The following TP53I13 variants were observed in gnomAD, a reference collection of about 807,000 sequenced individuals.
TP53I13 encodes the protein tumor protein p53 inducible protein 13, also known as tumor protein p53-inducible protein 13.
Under a neutral mutation model 39.1 loss-of-function variants are expected in TP53I13, and 27 were observed. The ratio of observed to expected loss-of-function variants is 0.69; its 90% CI spans 0.51 to 0.95. The LOEUF (loss-of-function observed/expected upper bound fraction) is 0.95, where lower values mean the gene tolerates loss of function less well. TP53I13 is among the 40% of genes least tolerant of loss of function. The pLI is 0.00. For missense variants in TP53I13, 544 were observed against 520.4 expected, an observed-to-expected ratio of 1.05 and a Z score of -0.44; for synonymous variants, 230 against 224.6, an observed-to-expected ratio of 1.02 and a Z score of -0.22.
chr17:29,569,006 T>G lies in TP53I13; in HGVS notation c.73-12T>G, dbSNP rs1256492811. On this transcript the variant is annotated splice_polypyrimidine_tract_variant and intron_variant, in intron 1 of 6. Transcript: ENST00000301057. ...GCGTCCAGCGCCCCAACTCTTCGCT[T>G]TGGACCCACAGGTGATGGCTGGACC... is the stretch of plus-strand genomic sequence containing the variant. The G allele has an allele frequency of 6.2e-7, 1 of 1,608,292 alleles. No individual in the cohort carries two copies.
chr17:29,570,766 T>C (rs1270520481), intron 3 of TP53I13: 1 of 152,238 alleles, frequency 6.6e-6, no homozygotes, highest in Non-Finnish European at 1.5e-5. Flanking sequence ...CACAAATGAG[T>C]GCCAGCCTCG....
Position 29,572,417 on chromosome 17 carries a change from C to T in TP53I13, c.789C>T (p.Ala263=). 1.9e-6 allele frequency: 3 copies of T among 1,590,244 alleles called. No homozygotes were observed. The highest frequency in any genetic ancestry group is 2.6e-6 in the Non-Finnish European group (3 of 1,164,758). Residue 263 remains alanine, a synonymous_variant, in exon 6 of 7, where the codon GCC becomes GCT. Transcript: ENST00000301057. ...TGCCGGGGGCGCCTGGAGGCAATGC[C>T]AGCTCCAGGACAGAGGCTCAGGTGC... ...SLLPGAPGGN[A]SSRTEAQVPN... is the part of the protein sequence containing the mutation.
At chr17:29,576,646 C>G, downstream of TP53I13, 1 of 1,613,974 alleles carries the variant, frequency 6.2e-7, no homozygotes, top group Non-Finnish European at 8.5e-7. Context: ...CGTCACAGCC[C>G]CGTCAGACAA....
At chr17:29,577,673 T>C (rs1053442825), downstream of TP53I13, 1 of 1,612,006 alleles carries the variant, frequency 6.2e-7, no homozygotes, top group Non-Finnish European at 8.5e-7. Context: ...GTATTCCGGG[T>C]TAACAGGCAG....
downstream of TP53I13, chr17:29,576,494 C>T (rs750430432): frequency 1.2e-6 from 2 of 1,613,186 alleles, no homozygotes; most frequent in East Asian, 2.2e-5. Flanking sequence ...TCCTGGGGCT[C>T]CCCCTCCCAC....
chr17:29,569,459 TA>T, intron 3 of TP53I13, 100 bp downstream of exon 3: 1 of 1,180,204 alleles, frequency 8.5e-7, no homozygotes, highest in Non-Finnish European at 1.2e-6. Flanking sequence ...CCCCATTCCT[TA>T]CCACTTCCCT....
chr17:29,572,425 G>C lies in TP53I13; in HGVS notation c.797G>C (p.Arg266Thr), dbSNP rs750819658. 2 of 1,586,342 alleles carry C rather than the reference G, an allele frequency of 1.3e-6. No individual in the cohort carries two copies. The highest frequency in any genetic ancestry group is 1.7e-6 in the Non-Finnish European group (2 of 1,162,954). The change falls in exon 6 of 7, where the codon AGG becomes ACG. Residue 266 changes from arginine to threonine, a missense_variant. Transcript: ENST00000301057. ...PGAPGGNASS[R>T]TEAQVPNGQG... ...GCGCCTGGAGGCAATGCCAGCTCCA[G>C]GACAGAGGCTCAGGTGCCCAACGGG... is the stretch of plus-strand genomic sequence containing the variant.
At chr17:29,578,484 C>A in the TP53I13 span, 2 of 969,984 alleles carry the variant, frequency 2.1e-6, no homozygotes, top group South Asian at 1.3e-5. Flanking sequence ...TTGTGCTGCC[C>A]AGCCCCTACA....
At chr17:29,577,828 G>T, downstream of TP53I13, 1 of 823,096 alleles carries the variant, frequency 1.2e-6, no homozygotes, top group Non-Finnish European at 2.1e-6. Context: ...AGCCTTCCTA[G>T]CTGCCCCCAC....
At chr17:29,566,500 AGGCCCCCGGCGCTGGTGATCCGGC>A (rs779803580), upstream of TP53I13, 1 of 1,611,514 alleles carries the variant, frequency 6.2e-7, no homozygotes, top group East Asian at 2.2e-5. Flanking sequence ...CACCGCAGGA[AGGCCCCCGGCGCTGGTGATCCGGC>A]GGCCCCGAAC....
chr17:29,571,798 G>T, intron 4 of TP53I13, 59 bp from the exon 5 acceptor site: 1 of 1,613,126 alleles, frequency 6.2e-7, no homozygotes. Context: ...AAAATTCAAG[G>T]GTTTCCTCTT....
At chr17:29,566,731 A>G (rs1011829753), upstream of TP53I13, 1 of 1,565,796 alleles carries the variant, frequency 6.4e-7, no homozygotes, top group Admixed American at 1.8e-5. Context: ...GCACTGGGCC[A>G]GGGCCGACGG....
At chr17:29,576,730 C>A, downstream of TP53I13, 1 of 1,605,550 alleles carries the variant, frequency 6.2e-7, no homozygotes. Flanking sequence ...CCAACACCCG[C>A]AGGGGGCAGT....
downstream of TP53I13, chr17:29,573,861 T>C (rs1429681545): frequency 1.3e-5 from 2 of 152,590 alleles, no homozygotes; most frequent in East Asian, 3.9e-4. Flanking sequence ...GGTTTTTGAT[T>C]TAAGTTCATA....
chr17:29,572,682 C>G lies in TP53I13; in HGVS notation c.1054C>G (p.Gln352Glu), dbSNP rs779969529. 65 of 1,563,496 alleles carry G rather than the reference C, an allele frequency of 4.2e-5. No homozygotes were observed. Among genetic ancestry groups the G allele is most frequent in the African/African-American group, 1.4e-5 (1 of 73,736 alleles). ...SIYWGPTADS[Q>E]DTVAAVLKRR... ...CTACTGGGGGCCCACAGCGGACAGC[C>G]AGGACACAGTGGCTGGTGAGGAGTT... is the stretch of plus-strand genomic sequence containing the variant. Residue 352 changes from glutamine to glutamate, a missense_variant, in exon 6 of 7, where the codon CAG (glutamine) becomes GAG (glutamate). Physicochemically the swap from Gln to Glu is conservative, Grantham distance 29. Coordinates refer to ENST00000301057, the MANE Select transcript of TP53I13 (RefSeq NM_138349.4).
the TP53I13 span, chr17:29,582,126 G>A: frequency 3.2e-6 from 5 of 1,581,472 alleles, no homozygotes; most frequent in Admixed American, 1.8e-5. Flanking sequence ...TTGCCTGTCC[G>A]CACGCTCGAG....
Position 29,569,059 on chromosome 17 carries a change from C to T in TP53I13, c.114C>T (p.Pro38=), listed in dbSNP as rs1457244005. ...GPAEEAGAHC[P]ESLWPLPPQV... ...CGGAGGAGGCGGGAGCCCATTGTCC[C>T]GAGAGCCTGTGGCCTCTGCCTCCGC... Residue 38 remains proline (P), a synonymous_variant, in exon 2 of 7, where the codon CCC becomes CCT. Transcript: ENST00000301057. 2 of 1,604,292 alleles carry T rather than the reference C, an allele frequency of 1.2e-6. No individual in the cohort carries two copies. Among genetic ancestry groups the T allele is most frequent in the South Asian group, 1.1e-5 (1 of 89,642 alleles).
the TP53I13 span, chr17:29,579,074 C>G: frequency 1.7e-6 from 2 of 1,205,900 alleles, no homozygotes; most frequent in Admixed American, 3.4e-5. Flanking sequence ...CTTTTCACAT[C>G]AGGCCCAGAC....
At chr17:29,581,189 T>G in the TP53I13 span, 1 of 677,286 alleles carries the variant, frequency 1.5e-6, no homozygotes, top group Non-Finnish European at 2.7e-6. The surrounding 1 kb of genome is among the most constrained non-coding windows in gnomAD (Gnocchi z 4.8). Context: ...GGGCCCAGCA[T>G]TAGGGACTGA....
Sources: allele counts gnomAD v4.1 joint callset, GRCh38; gene constraint gnomAD v4.1.1; non-coding constraint Gnocchi (gnomAD v3.1); transcripts MANE v1.5; gene names NCBI Gene and HGNC (gene_info 2026-07-23, HGNC 2026-07-21).